Variants in CSMD1 observed in about 807,000 individuals in gnomAD.
CSMD1 encodes the protein CUB and sushi domain-containing protein 1.
A neutral mutation model predicts 417.5 loss-of-function variants in CSMD1; 213 were observed. The ratio of observed to expected loss-of-function variants is 0.51; its 90% CI spans 0.46 to 0.57. The LOEUF (loss-of-function observed/expected upper bound fraction) is 0.57. CSMD1 is among the 20% of genes least tolerant of loss of function. CSMD1 has a pLI of 0.00. For synonymous variants in CSMD1, 2,862 were observed against 1,736.8 expected (o/e 1.65, Z -16.11); for missense variants, 6,923 against 4,529.7 (o/e 1.53, Z -15.17).
chr8:3,000,291 T>C (rs1241465601), intron 52 of CSMD1, among the ~76,000 whole-genome samples, 160 bp from the exon 53 acceptor site: 2 of 151,186 alleles, frequency 1.3e-5, no homozygotes, highest in African/African-American at 4.9e-5. Context: ...ATAGTTTTTC[T>C]TTTTTTTATT....
At chr8:3,441,535 A>G (rs1814985800) in intron 12 of CSMD1, among the ~76,000 whole-genome samples, 1 of 151,160 alleles carries the variant, frequency 6.6e-6, no homozygotes, top group Admixed American at 6.6e-5. Flanking sequence ...AAAATCCTGT[A>G]CCACGTAAGG....
chr8:3,448,141 G>C (rs1045037099), intron 12 of CSMD1, among the ~76,000 whole-genome samples: 2 of 150,990 alleles, frequency 1.3e-5, no homozygotes, highest in Admixed American at 6.6e-5. Context: ...ATCCAAGTGA[G>C]GGATACAGGG....
rs1585728311 is a variant in CSMD1 at position 3,231,380 on chromosome 8, G to C, written c.4154-1149C>G. Reference sequence around the variant, plus strand: ...AGTTTTATGAAAGAGCAAAAAAAAAGAGATTAGTGTATTGTTCTATATACA... The same window carrying C: ...AGTTTTATGAAAGAGCAAAAAAAAACAGATTAGTGTATTGTTCTATATACA... On this transcript the variant is annotated intron_variant, in intron 26 of 69. Transcript: ENST00000635120. 2.6e-5 allele frequency among the ~76,000 whole-genome samples: 4 copies of C among 152,020 alleles called. No individual in the cohort carries two copies. The South Asian group carries it at 8.3e-4, about 32-fold the overall frequency.
At chr8:3,932,448 C>T (rs796461481) in intron 5 of CSMD1, among the ~76,000 whole-genome samples, 5 of 150,394 alleles carry the variant, frequency 3.3e-5, no homozygotes, top group African/African-American at 1.2e-4. Flanking sequence ...ATAACCCAGC[C>T]TCAGCACGGT....
At chr8:3,432,713 A>G (rs1814296007) in intron 12 of CSMD1, among the ~76,000 whole-genome samples, 1 of 151,912 alleles carries the variant, frequency 6.6e-6, no homozygotes, top group Non-Finnish European at 1.5e-5. Context: ...ATGGGGTTTC[A>G]CCATGTTGGC....
chr8:3,141,473 T>C (rs1265927449), intron 41 of CSMD1, among the ~76,000 whole-genome samples: 1 of 152,194 alleles, frequency 6.6e-6, no homozygotes, highest in Admixed American at 6.5e-5. Context: ...CAGTCTGTCT[T>C]TGCAGGACTA....
At chr8:4,896,310 G>T (rs1474374458) in intron 1 of CSMD1, among the ~76,000 whole-genome samples, 1 of 151,996 alleles carries the variant, frequency 6.6e-6, no homozygotes. Flanking sequence ...TTACATTCAT[G>T]CTTTTCAATA....
chr8:4,934,988 C>A lies in CSMD1; in HGVS notation c.85+59344G>T, dbSNP rs112851108. 8.9e-3 allele frequency among the ~76,000 whole-genome samples: 1,362 copies of A among 152,300 alleles called. 21 individuals carry two copies. Among genetic ancestry groups the A allele is most frequent in the African/African-American group, 0.028 (1,149 of 41,556 alleles). On this transcript the variant is annotated intron_variant, in intron 1 of 69. Coordinates refer to ENST00000635120, the MANE Select transcript of CSMD1 (RefSeq NM_033225.6). ...TATCTATCATCTATCAATCATCTGT[C>A]TATATTCATCATCTATCTATACATA...
At chr8:4,008,003 T>A (rs1351839597) in intron 4 of CSMD1, among the ~76,000 whole-genome samples, 1 of 152,196 alleles carries the variant, frequency 6.6e-6, no homozygotes, top group Non-Finnish European at 1.5e-5. Flanking sequence ...ATTGTAGCAA[T>A]CCATAAGAGG....
At position 2,986,680 on chromosome 8, in the gene CSMD1, A is replaced by G. The variant is rs181805153; in HGVS notation, c.8378-7880T>C. Among the ~76,000 whole-genome samples, 31 of 151,796 alleles carry G rather than the reference A, an allele frequency of 2.0e-4. No homozygotes were observed. In the East Asian group the frequency reaches 6.1e-3, roughly 30 times the overall value. ...CCACCACGCCCAGCTAATTTTTTGT[A>G]TTTTTAGTAGAGACGGGTTTTCACT... is the stretch of plus-strand genomic sequence containing the variant. On this transcript the variant is annotated intron_variant, in intron 54 of 69. Coordinates refer to ENST00000635120, the MANE Select transcript of CSMD1 (RefSeq NM_033225.6).
intron 2 of CSMD1, among the ~76,000 whole-genome samples, chr8:4,529,061 T>C (rs1300760893): frequency 6.6e-6 from 1 of 152,130 alleles, no homozygotes; most frequent in Non-Finnish European, 1.5e-5. Flanking sequence ...AAAATGATGA[T>C]CTGAAAAGTT....
At chr8:3,416,297 C>T (rs1199436129) in intron 12 of CSMD1, among the ~76,000 whole-genome samples, 11 of 94,192 alleles carry the variant, frequency 1.2e-4, no homozygotes, top group African/African-American at 2.7e-4. Context: ...AGCCAGACTC[C>T]GTCTCAAAAA....
intron 5 of CSMD1, among the ~76,000 whole-genome samples, chr8:3,817,119 G>C (rs771758625): frequency 6.6e-6 from 1 of 151,960 alleles, no homozygotes; most frequent in Admixed American, 6.6e-5. Context: ...ATCTTATAGA[G>C]AGAGCTCTTC....
At chr8:4,923,213 G>C (rs138248073) in intron 1 of CSMD1, among the ~76,000 whole-genome samples, 1 of 152,060 alleles carries the variant, frequency 6.6e-6, no homozygotes, top group South Asian at 2.1e-4. Context: ...TTACATAATA[G>C]TAGACACAAG....
At chr8:4,773,100 G>T (rs565471615) in intron 1 of CSMD1, among the ~76,000 whole-genome samples, 1 of 152,138 alleles carries the variant, frequency 6.6e-6, no homozygotes, top group East Asian at 1.9e-4. Context: ...TCAGATTTGG[G>T]AATATTTGCA....
At chr8:3,997,339 G>C (rs893418958) in intron 5 of CSMD1, among the ~76,000 whole-genome samples, 6 of 151,998 alleles carry the variant, frequency 3.9e-5, no homozygotes, top group African/African-American at 9.7e-5. Context: ...GTCTCTACTG[G>C]GGTACACACC....
chr8:4,638,142 G>C (rs1266595905), intron 1 of CSMD1, among the ~76,000 whole-genome samples: 2 of 152,124 alleles, frequency 1.3e-5, no homozygotes, highest in African/African-American at 2.4e-5. Context: ...TTAAAATACA[G>C]CCTCATCAAT....
At chr8:4,303,701 A>G (rs984577751) in intron 3 of CSMD1, among the ~76,000 whole-genome samples, 2 of 151,616 alleles carry the variant, frequency 1.3e-5, no homozygotes, top group Non-Finnish European at 2.9e-5. Flanking sequence ...TCTTGCCCAG[A>G]CTGGAGCTCA....
At chr8:3,284,014 C>T in intron 26 of CSMD1, 130 bp downstream of exon 26, 1 of 826,222 alleles carries the variant, frequency 1.2e-6, no homozygotes, top group South Asian at 1.7e-5. Context: ...ATGCATTTTC[C>T]TAACTTCAAA....
Sources: allele counts gnomAD v4.1 joint callset (sites outside exome capture counted in the v4.1 genomes callset), GRCh38; gene constraint gnomAD v4.1.1; transcripts MANE v1.5; gene names NCBI Gene and HGNC (gene_info 2026-07-23, HGNC 2026-07-21).